Variants in NKAIN2 observed in about 807,000 individuals in gnomAD.
The protein encoded by NKAIN2 is sodium/potassium transporting ATPase interacting 2.
NKAIN2 carries 14 observed loss-of-function variants against 32.6 expected under a neutral mutation model. The ratio of observed to expected loss-of-function variants is 0.43; its 90% CI spans 0.28 to 0.67. NKAIN2 has a LOEUF of 0.67. NKAIN2 is among the 30% of genes least tolerant of loss of function. The pLI is 0.17. For missense variants in NKAIN2, 198 were observed against 258.3 expected (o/e 0.77, Z 1.60); for synonymous variants, 80 against 87.2 (o/e 0.92, Z 0.46).
chr6:124,147,025 T>C (rs1787442275), intron 1 of NKAIN2, among the ~76,000 whole-genome samples: 1 of 152,214 alleles, frequency 6.6e-6, no homozygotes, highest in Admixed American at 6.5e-5. Flanking sequence ...ATCTGTTTTT[T>C]GAATGATGTA....
intron 2 of NKAIN2, among the ~76,000 whole-genome samples, chr6:124,295,005 G>A (rs1300036509): frequency 6.6e-6 from 1 of 150,570 alleles, no homozygotes; most frequent in African/African-American, 2.5e-5. Flanking sequence ...ATTTTTATGG[G>A]AGTGTCATGC....
intron 3 of NKAIN2, among the ~76,000 whole-genome samples, chr6:124,557,507 G>T (rs1474628406): frequency 6.6e-6 from 1 of 152,102 alleles, no homozygotes; most frequent in African/African-American, 2.4e-5. Flanking sequence ...AACAAAAAAA[G>T]TCCCTAAACT....
intron 1 of NKAIN2, among the ~76,000 whole-genome samples, chr6:124,225,505 T>G (rs1236522501): frequency 2.0e-5 from 3 of 152,020 alleles, no homozygotes; most frequent in African/African-American, 7.2e-5. Context: ...CTTTCAGAAT[T>G]GGTAACTCCA....
intron 4 of NKAIN2, among the ~76,000 whole-genome samples, chr6:124,735,304 T>G (rs891051834): frequency 6.6e-6 from 1 of 151,896 alleles, no homozygotes; most frequent in African/African-American, 2.4e-5. Flanking sequence ...ATAAATTCTC[T>G]CTACCCCAGT....
chr6:124,140,427 G>A (rs192902898), intron 1 of NKAIN2, among the ~76,000 whole-genome samples: 654 of 152,238 alleles, frequency 4.3e-3, no homozygotes, highest in Middle Eastern at 6.8e-3. Context: ...AAAAACATTA[G>A]AAAGACATGA....
At chr6:124,775,666 G>A (rs12216002) in intron 4 of NKAIN2, among the ~76,000 whole-genome samples, 27,492 of 151,952 alleles carry the variant, frequency 0.18, 2,863 homozygotes, top group East Asian at 0.49. Context: ...TAAAGAGATC[G>A]TTATCTGTGA....
chr6:124,058,550 G>A (rs2114849979), intron 1 of NKAIN2, among the ~76,000 whole-genome samples: 1 of 152,096 alleles, frequency 6.6e-6, no homozygotes, highest in African/African-American at 2.4e-5. Context: ...TAGGCTTGTT[G>A]TAAGGATTTC....
chr6:124,646,087 T>G (rs1344809642), intron 3 of NKAIN2, among the ~76,000 whole-genome samples: 10 of 152,214 alleles, frequency 6.6e-5, no homozygotes, highest in Admixed American at 5.9e-4. Flanking sequence ...GAAGGAATAT[T>G]GTTTATAGAC....
At chr6:124,361,673 G>C (rs1388704536) in intron 3 of NKAIN2, among the ~76,000 whole-genome samples, 3 of 151,956 alleles carry the variant, frequency 2.0e-5, no homozygotes, top group African/African-American at 7.2e-5. Flanking sequence ...TTGTCAATTT[G>C]AAAATTTGTT....
At chr6:124,703,421 T>G (rs1774898558) in intron 4 of NKAIN2, among the ~76,000 whole-genome samples, 1 of 152,116 alleles carries the variant, frequency 6.6e-6, no homozygotes, top group African/African-American at 2.4e-5. Context: ...CTATGATGAT[T>G]GTATATAGCA....
intron 3 of NKAIN2, among the ~76,000 whole-genome samples, chr6:124,595,657 A>T (rs1359552397): frequency 1.5e-5 from 1 of 65,568 alleles, no homozygotes; most frequent in Non-Finnish European, 3.5e-5. Context: ...CCTTGGGCAA[A>T]GGGATGGGAA....
intron 4 of NKAIN2, among the ~76,000 whole-genome samples, chr6:124,683,032 G>A (rs1773696171): frequency 6.6e-6 from 1 of 152,118 alleles, no homozygotes; most frequent in South Asian, 2.1e-4. Flanking sequence ...TCTAAATAAA[G>A]AAAATACACA....
At chr6:124,288,123 A>G (rs1795645553) in intron 2 of NKAIN2, among the ~76,000 whole-genome samples, 1 of 152,222 alleles carries the variant, frequency 6.6e-6, no homozygotes, top group South Asian at 2.1e-4. Context: ...TTTCTTACCA[A>G]TTCCATCACT....
At chr6:124,770,491 C>T (rs1778700896) in intron 4 of NKAIN2, among the ~76,000 whole-genome samples, 1 of 152,110 alleles carries the variant, frequency 6.6e-6, no homozygotes, top group African/African-American at 2.4e-5. Context: ...AATTGGGCTT[C>T]CTGGAGAGAG....
At chr6:124,659,108 A>G (rs1206219430) in intron 4 of NKAIN2, 1 of 152,198 alleles carries the variant, frequency 6.6e-6, no homozygotes, top group Non-Finnish European at 1.5e-5. Context: ...TTTCTCAAGA[A>G]GGCCAACTGC....
chr6:124,518,417 T>C (rs912456183), intron 3 of NKAIN2, among the ~76,000 whole-genome samples: 2 of 152,104 alleles, frequency 1.3e-5, no homozygotes, highest in Non-Finnish European at 2.9e-5. Context: ...TTTAAAAAGA[T>C]GTTTGATTGG....
intron 1 of NKAIN2, among the ~76,000 whole-genome samples, chr6:124,199,926 C>T (rs1183088556): frequency 6.6e-6 from 1 of 152,056 alleles, no homozygotes; most frequent in Non-Finnish European, 1.5e-5. Context: ...TAGTGTTGAA[C>T]TAATGACCTT....
At chr6:124,734,061 GCACACACACA>G (rs61526747) in intron 4 of NKAIN2, among the ~76,000 whole-genome samples, 1 of 145,226 alleles carries the variant, frequency 6.9e-6, no homozygotes, top group Non-Finnish European at 1.5e-5. Context: ...ATGAGGAAAT[GCACACACACA>G]CACACACACA....
chr6:124,342,972 C>A (rs1350949086), intron 2 of NKAIN2, among the ~76,000 whole-genome samples: 1 of 128,322 alleles, frequency 7.8e-6, no homozygotes, highest in Non-Finnish European at 1.6e-5. Context: ...CTAATGCTAT[C>A]CCTTCCCCCT....
Sources: allele counts gnomAD v4.1 joint callset (sites outside exome capture counted in the v4.1 genomes callset), GRCh38; gene constraint gnomAD v4.1.1; transcripts MANE v1.5; gene names NCBI Gene and HGNC (gene_info 2026-07-23, HGNC 2026-07-21).